ABCC6: variants seen among roughly 807,000 people sequenced by gnomAD.
ABCC6 encodes the protein ATP-binding cassette sub-family C member 6.
Under a neutral mutation model 169.5 loss-of-function variants are expected in ABCC6, and 126 were observed. The observed-to-expected ratio is 0.74, with a 90% confidence interval of 0.64 to 0.86. ABCC6 has a LOEUF of 0.86. Ranked by LOEUF, ABCC6 falls within the 40% of genes least tolerant of loss-of-function variation. ABCC6 has a pLI of 0.00. For synonymous variants in ABCC6, 752 were observed against 814.7 expected, an observed-to-expected ratio of 0.92 and a Z score of 1.31; for missense variants, 1,733 against 1,927.2, an observed-to-expected ratio of 0.90 and a Z score of 1.89.
At chr16:16,208,589 G>C in intron 7 of ABCC6, 139 bp downstream of exon 7, 10 of 1,381,996 alleles carry the variant, frequency 7.2e-6, no homozygotes, top group Non-Finnish European at 1.0e-5. Context: ...GGCCAGATTG[G>C]TCTTGAACTC....
chr16:16,150,797 TG>T (rs745950514), intron 29 of ABCC6, 25 bp from the exon 30 acceptor site: 1 of 1,611,196 alleles, frequency 6.2e-7, no homozygotes, highest in Non-Finnish European at 8.5e-7. Context: ...GACAATTAGC[TG>T]GGACGTGCGT....
At chr16:16,151,050 CT>C (rs901786354) in intron 29 of ABCC6, among the ~76,000 whole-genome samples, 6 of 152,050 alleles carry the variant, frequency 3.9e-5, no homozygotes, top group Non-Finnish European at 8.8e-5. Flanking sequence ...GTTTATGGCT[CT>C]TTTTTTCTTC....
At chr16:16,198,849 CT>C (rs2152279351) in intron 9 of ABCC6, among the ~76,000 whole-genome samples, 1 of 151,930 alleles carries the variant, frequency 6.6e-6, no homozygotes, top group East Asian at 1.9e-4. Context: ...CAAAAATTAG[CT>C]GGGCATGGTG....
At chr16:16,150,339 A>G in intron 30 of ABCC6, 98 bp from the exon 31 acceptor site, 1 of 1,578,066 alleles carries the variant, frequency 6.3e-7, no homozygotes, top group South Asian at 1.1e-5. Flanking sequence ...TTTTCTCCAT[A>G]GAAGTCCTGC....
chr16:16,202,176 A>C lies in ABCC6; in HGVS notation c.1001T>G (p.Leu334Arg), dbSNP rs769647527. ...FRFTVPKLLS[L>R]FLEFIGDPKP... ...GGGATCACCAATAAACTCCAGGAAA[A>C]GGCTTGCAGGGGAAGGAGGGAGAAG... is the stretch of plus-strand genomic sequence containing the variant. The change falls in exon 9 of 31, where the codon CTT (leucine) becomes CGT (arginine). Residue 334 changes from leucine (L) to arginine (R), a missense_variant and splice_region_variant. This residue lies in a region of ABCC6 where 1,601 missense variants were observed against 1,635.5 expected (regional missense o/e 0.98). Coordinates refer to ENST00000205557, the MANE Select transcript of ABCC6 (RefSeq NM_001171.6). The C allele has an allele frequency of 2.0e-5, 32 of 1,611,340 alleles. No individual in the cohort carries two copies. Among genetic ancestry groups the C allele is most frequent in the Non-Finnish European group, 2.2e-5 (26 of 1,178,774 alleles).
chr16:16,212,832 C>T (rs569009387), intron 5 of ABCC6, among the ~76,000 whole-genome samples: 18 of 152,176 alleles, frequency 1.2e-4, no homozygotes, highest in African/African-American at 3.9e-4. Flanking sequence ...AAGGACACTG[C>T]ATAACGAAGA....
intron 17 of ABCC6, among the ~76,000 whole-genome samples, chr16:16,179,285 C>T (rs2047394342): frequency 6.6e-6 from 1 of 152,234 alleles, no homozygotes; most frequent in South Asian, 2.1e-4. Flanking sequence ...TCCACTGAGA[C>T]CACCATCCAT....
intron 27 of ABCC6, 54 bp from the exon 28 acceptor site, chr16:16,155,085 T>G (rs1166663221): frequency 5.2e-6 from 8 of 1,527,748 alleles, no homozygotes; most frequent in Middle Eastern, 1.7e-4. Context: ...TGTGGGCATT[T>G]ATTGGGGAGA....
intron 24 of ABCC6, among the ~76,000 whole-genome samples, 197 bp downstream of exon 24, chr16:16,162,796 C>T (rs115213933): frequency 1.1e-4 from 17 of 152,284 alleles, no homozygotes; most frequent in African/African-American, 3.4e-4. Flanking sequence ...CTGTACCCCC[C>T]GCCCACCTGC....
intron 9 of ABCC6, among the ~76,000 whole-genome samples, chr16:16,199,027 G>A (rs11640321): frequency 1.5e-5 from 2 of 132,816 alleles, no homozygotes; most frequent in South Asian, 4.6e-4. Context: ...GCCAGGCATG[G>A]TTGTGGTGCG....
intron 7 of ABCC6, 68 bp downstream of exon 7, chr16:16,208,660 C>G: frequency 6.2e-7 from 1 of 1,612,342 alleles, no homozygotes; most frequent in Non-Finnish European, 8.5e-7. Context: ...TCGTGAGCCA[C>G]CGCACCCGGC....
chr16:16,174,664 T>C (rs1186442129), intron 20 of ABCC6, among the ~76,000 whole-genome samples: 2 of 148,072 alleles, frequency 1.4e-5, no homozygotes, highest in Non-Finnish European at 3.0e-5. Flanking sequence ...GACTGAGGCA[T>C]GAGAATCGCT....
intron 25 of ABCC6, among the ~76,000 whole-genome samples, chr16:16,159,995 C>T (rs2046665352): frequency 6.6e-6 from 1 of 152,146 alleles, no homozygotes; most frequent in Non-Finnish European, 1.5e-5. Flanking sequence ...CCAAGCTCCT[C>T]CCTATGAGCC....
chr16:16,160,628 CAAAAAAAAAA>C (rs34511090), intron 25 of ABCC6, among the ~76,000 whole-genome samples: 16 of 76,396 alleles, frequency 2.1e-4, no homozygotes, highest in South Asian at 1.8e-3. Context: ...CTGTTTCTAC[CAAAAAAAAAA>C]AAAAAAAAAA....
In ABCC6 at chr16:16,221,766, T is replaced by G; in HGVS notation, c.102A>C (p.Thr34=). ...TSLLSLCFLR[T]AGVWVPPMYL... ...ACATGGGGGGTACCCAGACCCCTGCTGTTCTCAGGAAGCACAGGCTCAGCA... is the reference window on the plus strand; with the variant it reads ...ACATGGGGGGTACCCAGACCCCTGCGGTTCTCAGGAAGCACAGGCTCAGCA... The change falls in exon 2 of 31, where the codon ACA becomes ACC. Residue 34 remains threonine (T), a synonymous_variant. Coordinates refer to ENST00000205557, the MANE Select transcript of ABCC6 (RefSeq NM_001171.6). The G allele has an allele frequency of 6.2e-7, 1 of 1,613,776 alleles. No homozygotes were observed.
intron 29 of ABCC6, among the ~76,000 whole-genome samples, chr16:16,152,937 C>T (rs2046431668): frequency 6.6e-6 from 1 of 151,844 alleles, no homozygotes; most frequent in Non-Finnish European, 1.5e-5. Flanking sequence ...TACTCTGTCA[C>T]CCAGGCTGGA....
At chr16:16,186,215 C>A (rs1028323048) in intron 14 of ABCC6, among the ~76,000 whole-genome samples, 16 of 152,138 alleles carry the variant, frequency 1.1e-4, no homozygotes, top group Non-Finnish European at 2.2e-4. Context: ...GAGGGGGAAG[C>A]CCAGGTAACT....
intron 27 of ABCC6, 173 bp from the exon 28 acceptor site, chr16:16,155,204 A>G (rs1019859493): frequency 1.4e-6 from 1 of 719,820 alleles, no homozygotes; most frequent in Non-Finnish European, 2.3e-6. Context: ...CCATCAATCC[A>G]TCCAGTCTTC....
rs1175851529 is a variant in ABCC6, at chr16:16,150,048, C to G, written c.*85G>C. 1 of 1,560,998 alleles carries G rather than the reference C, an allele frequency of 6.4e-7. No individual in the cohort carries two copies. The highest frequency in any genetic ancestry group is 1.4e-5 in the African/African-American group (1 of 73,848). ...GGTCTAGACTCAATATCGTGTGGAG[C>G]TATCGATGACCACGGGTCACTTCCA... On this transcript the variant is annotated 3_prime_UTR_variant, in exon 31 of 31. Transcript: ENST00000205557.
Sources: gnomAD v4.1 joint callset for allele counts (sites outside exome capture counted in the v4.1 genomes callset) on GRCh38, gnomAD v4.1.1 for gene constraint, gnomAD v4.1.1 regional missense constraint, MANE v1.5 for transcripts, NCBI Gene and HGNC (gene_info 2026-07-23, HGNC 2026-07-21) for gene names.